Variants in MROH1 observed in about 807,000 individuals in gnomAD.
The protein encoded by MROH1 is maestro heat-like repeat-containing protein family member 1.
MROH1 carries 117 observed loss-of-function variants against 116.5 expected under a neutral mutation model. The ratio of observed to expected loss-of-function variants is 1.00; its 90% confidence interval spans 0.86 to 1.17. MROH1 has a LOEUF of 1.17. Ranked by LOEUF, MROH1 falls within the 50% of genes most tolerant of loss-of-function variation. The probability of loss-of-function intolerance (pLI) is 0.00; values close to 1 mark genes in which losing one functional copy is unlikely to be tolerated. For missense variants in MROH1, 1,873 were observed against 1,338.5 expected (o/e 1.40, Z -6.23); for synonymous variants, 921 against 583.9 (o/e 1.58, Z -8.32).
intron 14 of MROH1, among the ~76,000 whole-genome samples, chr8:144,236,759 T>C (rs1255132849): frequency 6.6e-6 from 1 of 151,210 alleles, no homozygotes; most frequent in Non-Finnish European, 1.5e-5. Flanking sequence ...TAAAATAAAA[T>C]AAAACAAAAT....
In MROH1 at chr8:144,242,518, G is replaced by A; in HGVS notation, c.2325+3G>A. The A allele has an allele frequency of 1.3e-6, 1 of 780,650 alleles. No homozygotes were observed. Among genetic ancestry groups the A allele is most frequent in the East Asian group, 2.4e-5 (1 of 41,248 alleles). 48.4% of individuals were successfully genotyped at this position (780,650 alleles called of 1,614,324 possible). On this transcript the variant is annotated splice_donor_region_variant and intron_variant, in intron 23 of 43. Transcript: ENST00000326134. ...TCTGCCAGCACTTCAGCACCAAGGT[G>A]GGCACTGCGGTGGGCCTGCCACGCA... is the stretch of plus-strand genomic sequence containing the variant.
intron 39 of MROH1, 117 bp downstream of exon 39, chr8:144,260,491 GGA>G: frequency 1.4e-6 from 1 of 699,732 alleles, no homozygotes. Context: ...AGGTGACCGT[GGA>G]GAGCGCGGAC....
intron 7 of MROH1, among the ~76,000 whole-genome samples, chr8:144,183,243 A>G (rs1313985537): frequency 1.3e-5 from 2 of 151,248 alleles, no homozygotes; most frequent in Non-Finnish European, 2.9e-5. Context: ...TTTGCCAGGT[A>G]TGGTAGCACA....
chr8:144,191,852 C>G lies in MROH1; in HGVS notation c.852C>G (p.Ser284=). Residue 284 remains serine (S), a synonymous_variant, in exon 9 of 44, where the codon TCC becomes TCG. Transcript: ENST00000326134. ...AGCACGCAGAGACCTTCTACTTGTC[C>G]AAGGTATCTGCAGGCAGGGCAGGTC... ...YKKHAETFYL[S]KSLGQILEAA... The G allele has an allele frequency of 6.2e-7, 1 of 1,613,368 alleles. No homozygotes were observed. The highest frequency in any genetic ancestry group is 8.5e-7 in the Non-Finnish European group (1 of 1,179,852).
Position 144,250,325 on chromosome 8 carries a change from C to T in MROH1, c.3387C>T (p.Ala1129=), listed in dbSNP as rs1250271911. 2.3e-5 allele frequency: 18 copies of T among 768,054 alleles called. No homozygotes were observed. Among genetic ancestry groups the T allele is most frequent in the Middle Eastern group, 2.5e-4 (1 of 4,052 alleles). The allele number at this position is 768,054 out of a possible 1,614,324, so 47.6% of individuals were successfully genotyped here. ...VYLLATQHCA[A]VVSSLLGSPL... The stretch of plus-strand genomic sequence containing the variant: ...TCCTGGCCACCCAGCACTGCGCAGC[C>T]GTGGTGTCCAGCCTCCTGGGCAGCC... Residue 1129 remains alanine (A), a synonymous_variant, in exon 33 of 44, where the codon GCC becomes GCT. Transcript: ENST00000326134.
chr8:144,161,198 T>G (rs1819443507), intron 2 of MROH1, 109 bp downstream of exon 2: 1 of 152,266 alleles, frequency 6.6e-6, no homozygotes, highest in Non-Finnish European at 1.5e-5. Flanking sequence ...ATTAGTTTGG[T>G]CTCACCCAGG....
chr8:144,245,434 A>C (rs1243311516), intron 29 of MROH1, among the ~76,000 whole-genome samples, 174 bp downstream of exon 29: 1 of 152,242 alleles, frequency 6.6e-6, no homozygotes, highest in Non-Finnish European at 1.5e-5. Flanking sequence ...ATGGCTGCTC[A>C]GAATAGAGTC....
At chr8:144,173,591 CA>C (rs1333552117) in intron 4 of MROH1, among the ~76,000 whole-genome samples, 1 of 151,700 alleles carries the variant, frequency 6.6e-6, no homozygotes, top group Non-Finnish European at 1.5e-5. Flanking sequence ...ACACCTGTCT[CA>C]TTTTTTTGTA....
chr8:144,258,862 G>T lies in MROH1; in HGVS notation c.3877G>T (p.Glu1293Ter). 1.3e-6 allele frequency: 1 copy of T among 769,708 alleles called. No individual in the cohort carries two copies. Among genetic ancestry groups the T allele is most frequent in the Admixed American group, 1.7e-5 (1 of 57,964 alleles). The allele number at this position is 769,708 out of a possible 1,614,324, so 47.7% of individuals were successfully genotyped here. A position where few individuals can be genotyped will look rare whatever the true frequency, so the allele number is the denominator to read the frequency against. The change falls in exon 36 of 44, where the codon GAA (glutamate) becomes TAA (stop). Residue 1293 changes from glutamate to a stop codon, truncating the protein, a stop_gained. Coordinates refer to ENST00000326134, the MANE Select transcript of MROH1 (RefSeq NM_032450.3). LOFTEE classifies it high-confidence loss of function. ...GCGCATGGACCTGGAGGGAGGCTGG[G>T]AACTGCTCAGGACCTCGGCGGGGCA... ...VQRMDLEGGW[E>*]LLRTSAGHEE...
At chr8:144,238,170 T>G (rs1449013685) in intron 14 of MROH1, among the ~76,000 whole-genome samples, 9 of 152,116 alleles carry the variant, frequency 5.9e-5, no homozygotes, top group South Asian at 2.1e-4. Context: ...ATCACTGTTT[T>G]TTTTTTTTTT....
At position 144,182,359 on chromosome 8, in the gene MROH1, C is replaced by T. The variant is rs892857959; in HGVS notation, c.562+1836C>T. Reference sequence around the variant, plus strand: ...AGGGCAGGCATCCAGTAATTCCTCCCGGCCAAGGAACCCCTCCAGTAGGAA... The same window carrying T: ...AGGGCAGGCATCCAGTAATTCCTCCTGGCCAAGGAACCCCTCCAGTAGGAA... On this transcript the variant is annotated intron_variant, in intron 7 of 43. Transcript: ENST00000326134. The surrounding 1 kb of genome is among the most constrained non-coding windows in gnomAD (Gnocchi z 4.1). Among the ~76,000 whole-genome samples, 6 of 152,300 alleles carry T rather than the reference C, an allele frequency of 3.9e-5. No individual in the cohort carries two copies. The East Asian group carries it at 7.7e-4, about 20-fold the overall frequency.
intron 33 of MROH1, 139 bp from the exon 34 acceptor site, chr8:144,254,674 G>A (rs2133249218): frequency 3.3e-6 from 2 of 607,288 alleles, no homozygotes; most frequent in East Asian, 2.7e-5. Context: ...AGGCCAAGAG[G>A]CCATTTCCCA....
Position 144,154,560 on chromosome 8 carries a change from A to G in MROH1, c.-176-6410A>G, listed in dbSNP as rs943830734. Among the ~76,000 whole-genome samples, 9 of 152,136 alleles carry G rather than the reference A, an allele frequency of 5.9e-5. No individual in the cohort carries two copies. The East Asian group carries it at 1.5e-3, about 26-fold the overall frequency. ...CACGGTGTGTTAAGCAGATACACTC[A>G]CTGCCTGAGCTCACTGCAGTAGCAA... On this transcript the variant is annotated intron_variant, in intron 1 of 43. Coordinates refer to ENST00000326134, the MANE Select transcript of MROH1 (RefSeq NM_032450.3).
At position 144,199,220 on chromosome 8, in the gene MROH1, T is replaced by C; in HGVS notation, c.1027+20T>C. 1 of 1,608,360 alleles carries C rather than the reference T, an allele frequency of 6.2e-7. No individual in the cohort carries two copies. The highest frequency in any genetic ancestry group is 8.5e-7 in the Non-Finnish European group (1 of 1,177,344). On this transcript the variant is annotated intron_variant, in intron 11 of 43. Transcript: ENST00000326134. ...TGCTGGGTGAGTGGTGGGCCCAGCT[T>C]TGCCCATGGGCATCTGTGGACACTC...
intron 33 of MROH1, 184 bp from the exon 34 acceptor site, chr8:144,254,629 C>T: frequency 3.4e-6 from 2 of 593,166 alleles, no homozygotes; most frequent in East Asian, 2.8e-5. Context: ...GTTTACAGAT[C>T]CCTGGAGTCA....
intron 14 of MROH1, among the ~76,000 whole-genome samples, chr8:144,230,802 C>CT (rs1161687289): frequency 0.058 from 3,964 of 68,440 alleles, 312 homozygotes; most frequent in African/African-American, 0.17. Context: ...AAAAGGTTTT[C>CT]TTTTTTTTTT....
chr8:144,194,737 A>AC (rs761715016), intron 10 of MROH1, among the ~76,000 whole-genome samples: 3 of 151,566 alleles, frequency 2.0e-5, no homozygotes, highest in Non-Finnish European at 4.4e-5. Flanking sequence ...ACATAGGGAG[A>AC]CCCCATCTCT....
At chr8:144,232,690 TCACCGTGTTAGCTAGGATGGTCTCGA>T (rs560888810) in intron 14 of MROH1, among the ~76,000 whole-genome samples, 1,749 of 152,078 alleles carry the variant, frequency 0.012, 29 homozygotes, top group African/African-American at 0.04. Context: ...AGATGGGTTT[TCACCGTGTTAGCTAGGATGGTCTCGA>T]TCTCCTGACC....
chr8:144,254,919 A>G lies in MROH1; in HGVS notation c.3535A>G (p.Ser1179Gly). ...KMSRDVPFKE[S>G]RAFLLGRTPD... is the part of the protein sequence containing the mutation. ...GAGTAGGGACGTCCCTTTCAAGGAG[A>G]GCCGGGCCTTCCTGCTGGGCCGCAC... Residue 1179 changes from serine to glycine, a missense_variant, in exon 34 of 44, where the codon AGC becomes GGC. Transcript: ENST00000326134. The G allele has an allele frequency of 1.3e-6, 1 of 776,574 alleles. No homozygotes were observed. Among genetic ancestry groups the G allele is most frequent in the Non-Finnish European group, 2.4e-6 (1 of 417,212 alleles). The allele number at this position is 776,574 out of a possible 1,614,324, so 48.1% of individuals were successfully genotyped here.
Sources: gnomAD v4.1 joint callset for allele counts (sites outside exome capture counted in the v4.1 genomes callset) on GRCh38, gnomAD v4.1.1 for gene constraint, Gnocchi (gnomAD v3.1) non-coding constraint, MANE v1.5 for transcripts, NCBI Gene and HGNC (gene_info 2026-07-23, HGNC 2026-07-21) for gene names.